The following CDYL2 variants were observed in gnomAD, a reference collection of about 807,000 sequenced individuals.
CDYL2 encodes chromodomain Y-like protein 2.
CDYL2 carries 23 observed loss-of-function variants against 49.4 expected under a neutral mutation model. The ratio of observed to expected loss-of-function variants is 0.47; its 90% CI spans 0.34 to 0.66. The LOEUF (loss-of-function observed/expected upper bound fraction) is 0.66, where lower values mean the gene tolerates loss of function less well. Ranked by LOEUF, CDYL2 falls within the 30% of genes least tolerant of loss-of-function variation. CDYL2 has a pLI of 0.01. For missense variants in CDYL2, 678 were observed against 656.4 expected (o/e 1.03, Z -0.36); for synonymous variants, 360 against 268.8 (o/e 1.34, Z -3.32).
chr16:80,616,732 TG>T (rs1906843231), intron 4 of CDYL2, among the ~76,000 whole-genome samples: 1 of 152,202 alleles, frequency 6.6e-6, no homozygotes, highest in Admixed American at 6.5e-5. Flanking sequence ...AAGTCATGGC[TG>T]GAAGTACCAG....
intron 1 of CDYL2, among the ~76,000 whole-genome samples, chr16:80,766,920 T>C (rs1906746798): frequency 6.6e-6 from 1 of 152,180 alleles, no homozygotes. Context: ...TACTGACTCA[T>C]TTCATTTTCA....
chr16:80,651,893 G>A (rs1420930915), intron 2 of CDYL2, among the ~76,000 whole-genome samples: 1 of 152,198 alleles, frequency 6.6e-6, no homozygotes, highest in African/African-American at 2.4e-5. Context: ...ATTGCAGATG[G>A]TGGGACTTAG....
intron 1 of CDYL2, among the ~76,000 whole-genome samples, chr16:80,685,550 G>A (rs969228035): frequency 6.6e-6 from 1 of 152,112 alleles, no homozygotes; most frequent in Non-Finnish European, 1.5e-5. Context: ...AACATTTATT[G>A]AGCAATTATA....
Position 80,620,901 on chromosome 16 carries a change from G to A in CDYL2, c.869C>T (p.Ala290Val). 2.5e-6 allele frequency: 4 copies of A among 1,608,316 alleles called. No homozygotes were observed. The highest frequency in any genetic ancestry group is 3.4e-6 in the Non-Finnish European group (4 of 1,176,490). Residue 290 changes from alanine to valine, a missense_variant, in exon 4 of 7, where the codon GCA (alanine) becomes GTA (valine). Physicochemically the swap from Ala to Val is moderately conservative, Grantham distance 64. Coordinates refer to ENST00000570137, the MANE Select transcript of CDYL2 (RefSeq NM_152342.4). ...MKEVRRALCN[A>V]ATDDSKLLLL... ...CAGCAGTTTGCTGTCGTCTGTGGCT[G>A]CGTTGCAGAGCGCTCGCCGGACTTC...
chr16:80,719,175 A>G (rs1904913356), intron 1 of CDYL2, among the ~76,000 whole-genome samples: 1 of 152,180 alleles, frequency 6.6e-6, no homozygotes, highest in Admixed American at 6.5e-5. Flanking sequence ...AGAAAGACAC[A>G]GTCACTGACC....
In CDYL2 at chr16:80,666,985, C is replaced by T. The variant is rs552658751; in HGVS notation, c.616+17553G>A. On this transcript the variant is annotated intron_variant, in intron 2 of 6. Coordinates refer to ENST00000570137, the MANE Select transcript of CDYL2 (RefSeq NM_152342.4). ...TCGAGTGAAAGAGGCAGAGATTACC[C>T]GAATAATCAGTGTGACCACTACAAA... Among the ~76,000 whole-genome samples the T allele has an allele frequency of 7.2e-5, 11 of 152,310 alleles. No homozygotes were observed. In the East Asian group the frequency reaches 1.7e-3, roughly 24 times the overall value.
chr16:80,744,882 A>C (rs1257964911), intron 1 of CDYL2, among the ~76,000 whole-genome samples: 1 of 152,136 alleles, frequency 6.6e-6, no homozygotes, highest in East Asian at 1.9e-4. Flanking sequence ...TCCTGCAGTG[A>C]GCTCTGCAAG....
chr16:80,743,978 A>G (rs548219629), intron 1 of CDYL2, among the ~76,000 whole-genome samples: 1 of 152,310 alleles, frequency 6.6e-6, no homozygotes, highest in South Asian at 2.1e-4. Flanking sequence ...GCAAAGGGAA[A>G]AGGGAACCTC....
intron 2 of CDYL2, among the ~76,000 whole-genome samples, chr16:80,666,786 G>C (rs557038476): frequency 6.6e-6 from 1 of 152,286 alleles, no homozygotes; most frequent in South Asian, 2.1e-4. Context: ...GGGTGGACCT[G>C]GCCTCAGGAC....
chr16:80,623,561 C>A (rs947936899), intron 3 of CDYL2, among the ~76,000 whole-genome samples: 2 of 152,180 alleles, frequency 1.3e-5, no homozygotes, highest in Non-Finnish European at 1.5e-5. Context: ...GGACCCCAGC[C>A]CAGACCGACA....
At chr16:80,723,622 A>AC (rs1426124874) in intron 1 of CDYL2, among the ~76,000 whole-genome samples, 1 of 152,108 alleles carries the variant, frequency 6.6e-6, no homozygotes, top group Admixed American at 6.5e-5. Flanking sequence ...AAGTCAGCAA[A>AC]CCATAGCCTA....
intron 1 of CDYL2, among the ~76,000 whole-genome samples, chr16:80,720,484 G>C (rs146395695): frequency 3.3e-5 from 5 of 152,164 alleles, no homozygotes; most frequent in Non-Finnish European, 5.9e-5. Context: ...GACTCCAACA[G>C]GAAATACTCT....
rs1196913078 is a variant in CDYL2 at position 80,601,266 on chromosome 16, G to C, written c.*3122C>G. ...TGAGAGTGAGCCATCACCGGGGTTG[G>C]GGCAGAGAGGGAAGGAGAGTTCCAC... is the stretch of plus-strand genomic sequence containing the variant. On this transcript the variant is annotated 3_prime_UTR_variant, in exon 7 of 7. Coordinates refer to ENST00000570137, the MANE Select transcript of CDYL2 (RefSeq NM_152342.4). The C allele has an allele frequency of 6.6e-6, 1 of 152,232 alleles. No individual in the cohort carries two copies. The highest frequency in any genetic ancestry group is 2.4e-5 in the African/African-American group (1 of 41,444). 9.4% of individuals were successfully genotyped at this position (152,232 alleles called of 1,614,324 possible).
intron 1 of CDYL2, among the ~76,000 whole-genome samples, chr16:80,720,811 A>C (rs1018562299): frequency 6.6e-6 from 1 of 152,142 alleles, no homozygotes; most frequent in Non-Finnish European, 1.5e-5. Context: ...ACCACTTGTA[A>C]TGTTGTTTCT....
chr16:80,638,341 C>T (rs1035277378), intron 2 of CDYL2, among the ~76,000 whole-genome samples: 3 of 152,188 alleles, frequency 2.0e-5, no homozygotes, highest in Non-Finnish European at 4.4e-5. Flanking sequence ...TCCCAAAGTG[C>T]TGGGATTATA....
At chr16:80,759,240 G>C (rs1385429840) in intron 1 of CDYL2, among the ~76,000 whole-genome samples, 3 of 149,972 alleles carry the variant, frequency 2.0e-5, no homozygotes, top group East Asian at 3.9e-4. Context: ...GTGTCTCTGA[G>C]TGATGGATGT....
intron 2 of CDYL2, among the ~76,000 whole-genome samples, chr16:80,641,777 T>G: frequency 6.8e-6 from 1 of 146,624 alleles, no homozygotes; most frequent in East Asian, 2.1e-4. Flanking sequence ...GGGATAGCAT[T>G]AGGAGATATA....
At chr16:80,621,597 G>A (rs1435178881) in intron 3 of CDYL2, among the ~76,000 whole-genome samples, 1 of 152,220 alleles carries the variant, frequency 6.6e-6, no homozygotes, top group East Asian at 1.9e-4. Flanking sequence ...CTCCAGTGAA[G>A]AATAAATGAA....
At chr16:80,759,126 A>ATATATATATATATATATATGGTTTT (rs1906434326) in intron 1 of CDYL2, among the ~76,000 whole-genome samples, 1 of 133,994 alleles carries the variant, frequency 7.5e-6, no homozygotes, top group African/African-American at 2.9e-5. Flanking sequence ...ATATATATAT[A>ATATATATATATATATATATGGTTTT]TATATATATA....
Sources: gnomAD v4.1 joint callset for allele counts (sites outside exome capture counted in the v4.1 genomes callset) on GRCh38, gnomAD v4.1.1 for gene constraint, MANE v1.5 for transcripts, NCBI Gene and HGNC (gene_info 2026-07-23, HGNC 2026-07-21) for gene names.